Variants in TRPM7 observed in about 807,000 individuals in gnomAD.
The protein encoded by TRPM7 is LTRPC ion channel family member 7.
In TRPM7, 134 loss-of-function variants were observed where a neutral mutation model predicts 229.7. The observed-to-expected ratio is 0.58, with a 90% confidence interval of 0.51 to 0.67. The LOEUF (loss-of-function observed/expected upper bound fraction) is 0.67. TRPM7 is among the 30% of genes least tolerant of loss of function. The probability of loss-of-function intolerance (pLI) is 0.00; values close to 1 mark genes in which losing one functional copy is unlikely to be tolerated. For synonymous variants in TRPM7, 699 were observed against 715.2 expected (o/e 0.98, Z 0.36); for missense variants, 1,901 against 2,210.0 (o/e 0.86, Z 2.80).
At position 50,568,111 on chromosome 15, in the gene TRPM7, C is replaced by CAAAA. The variant is rs57093955; in HGVS notation, c.5467+1772_5467+1775dup. On this transcript the variant is annotated intron_variant, in intron 38 of 38. Transcript: ENST00000646667. ...AAAAAAAAAGAGCGAGACTCTGTCT[C>CAAAA]AAAAAAAAAAAAAAAAAAAAACAAG... Among the ~76,000 whole-genome samples the CAAAA allele has an allele frequency of 3.9e-3, 315 of 81,320 alleles. 4 individuals carry two copies. Among genetic ancestry groups the CAAAA allele is most frequent in the South Asian group, 0.012 (25 of 2,142 alleles). 53.3% of individuals were successfully genotyped at this position (81,320 alleles called of 152,430 possible). A position where few individuals can be genotyped will look rare whatever the true frequency, so the allele number is the denominator to read the frequency against.
chr15:50,675,554 T>C (rs1433434856), intron 1 of TRPM7, among the ~76,000 whole-genome samples: 2 of 152,284 alleles, frequency 1.3e-5, no homozygotes, highest in South Asian at 2.1e-4. Context: ...CAGCTGAAAG[T>C]TGTAAATATC....
At chr15:50,611,884 C>A (rs28699109) in intron 16 of TRPM7, among the ~76,000 whole-genome samples, 6 of 152,178 alleles carry the variant, frequency 3.9e-5, no homozygotes. Context: ...AATATTCCAA[C>A]ACTGCCCCTC....
chr15:50,624,014 T>C (rs2060491847), intron 12 of TRPM7, 152 bp downstream of exon 12: 1 of 742,800 alleles, frequency 1.3e-6, no homozygotes, highest in East Asian at 3.0e-5. Context: ...CAGACTGTAA[T>C]ACAACCAATC....
chr15:50,575,244 G>A (rs16963775), intron 33 of TRPM7, 109 bp from the exon 34 acceptor site: 1 of 879,266 alleles, frequency 1.1e-6, no homozygotes, highest in Non-Finnish European at 1.7e-6. Context: ...AGATAAAATG[G>A]ACCAAGATGT....
chr15:50,611,795 T>G (rs1260750839), intron 16 of TRPM7, among the ~76,000 whole-genome samples: 1 of 152,250 alleles, frequency 6.6e-6, no homozygotes, highest in East Asian at 1.9e-4. Flanking sequence ...CAATTATCAC[T>G]GCCCTCTAAA....
At chr15:50,645,315 T>TATAG (rs762159277) in intron 4 of TRPM7, among the ~76,000 whole-genome samples, 5 of 152,098 alleles carry the variant, frequency 3.3e-5, no homozygotes, top group African/African-American at 4.8e-5. Context: ...GTGCTGGGAT[T>TATAG]ATAGGCATGA....
chr15:50,562,213 A>G (rs550704703), intron 38 of TRPM7, among the ~76,000 whole-genome samples: 2 of 152,164 alleles, frequency 1.3e-5, no homozygotes, highest in African/African-American at 4.8e-5. Context: ...GATCATTTCT[A>G]ATCAATTTTT....
At chr15:50,627,641 A>G (rs1296217520) in intron 11 of TRPM7, among the ~76,000 whole-genome samples, 1 of 152,204 alleles carries the variant, frequency 6.6e-6, no homozygotes, top group African/African-American at 2.4e-5. Flanking sequence ...AAAGTATGCT[A>G]CCGAAATAAC....
At chr15:50,583,810 G>A (rs1566955076) in intron 28 of TRPM7, among the ~76,000 whole-genome samples, 1 of 152,076 alleles carries the variant, frequency 6.6e-6, no homozygotes, top group African/African-American at 2.4e-5. Flanking sequence ...CTGACCTCAG[G>A]TGATCCACCC....
At chr15:50,574,585 A>G (rs1007931569) in intron 35 of TRPM7, 52 bp downstream of exon 35, 1 of 1,557,844 alleles carries the variant, frequency 6.4e-7, no homozygotes. Flanking sequence ...GAAGGTCAAA[A>G]GGGACTGCTA....
intron 27 of TRPM7, chr15:50,588,253 A>C (rs2059394020): frequency 1.0e-6 from 1 of 984,620 alleles, no homozygotes; most frequent in Non-Finnish European, 1.2e-6. Context: ...TGCTGCTCCT[A>C]TTTGAGGTAA....
intron 26 of TRPM7, among the ~76,000 whole-genome samples, chr15:50,591,165 A>G (rs1015230725): frequency 3.3e-5 from 5 of 152,192 alleles, no homozygotes; most frequent in African/African-American, 1.2e-4. Flanking sequence ...ATAAGTACTA[A>G]TTTTCCCAGT....
chr15:50,625,589 TTTTC>T lies in TRPM7; in HGVS notation c.1306-1293_1306-1290del, dbSNP rs539437727. On this transcript the variant is annotated intron_variant, in intron 11 of 38. Transcript: ENST00000646667. ...TGACCCCTGTACCTGCCTTTTTTCT[TTTTC>T]TTTATTTTTAAAATAGGGACAGGTC... Among the ~76,000 whole-genome samples the T allele has an allele frequency of 9.9e-5, 15 of 152,074 alleles. No individual in the cohort carries two copies. The South Asian group carries it at 1.7e-3, about 17-fold the overall frequency.
At chr15:50,613,474 C>A (rs1310536839) in intron 15 of TRPM7, among the ~76,000 whole-genome samples, 1 of 137,314 alleles carries the variant, frequency 7.3e-6, no homozygotes, top group Non-Finnish European at 1.5e-5. Flanking sequence ...TACACTCCAG[C>A]CTGGTGACAG....
intron 1 of TRPM7, among the ~76,000 whole-genome samples, chr15:50,679,973 C>T (rs150068681): frequency 0.014 from 2,067 of 152,018 alleles, 43 homozygotes; most frequent in African/African-American, 0.048. Context: ...GTGGCTCACG[C>T]TTGTAATCCC....
chr15:50,610,098 GAA>G, intron 17 of TRPM7, 137 bp from the exon 18 acceptor site: 1 of 609,506 alleles, frequency 1.6e-6, no homozygotes, highest in African/African-American at 1.9e-5. Context: ...GCAGTAGAGG[GAA>G]AAAAAACAAC....
chr15:50,587,093 C>T (rs994620998), intron 27 of TRPM7, among the ~76,000 whole-genome samples: 9 of 152,066 alleles, frequency 5.9e-5, no homozygotes, highest in African/African-American at 1.2e-4. Context: ...GGAGAAAAAA[C>T]GCAATCATTA....
chr15:50,607,389 G>T, intron 19 of TRPM7, 61 bp from the exon 20 acceptor site: 1 of 1,373,566 alleles, frequency 7.3e-7, no homozygotes, highest in Non-Finnish European at 9.8e-7. Flanking sequence ...TTTTAATTAT[G>T]AACATTTTCA....
At chr15:50,568,086 A>C (rs1265480663) in intron 38 of TRPM7, among the ~76,000 whole-genome samples, 1 of 148,818 alleles carries the variant, frequency 6.7e-6, no homozygotes, top group Admixed American at 6.8e-5. Context: ...CTCAAAAAAA[A>C]AAAAAAAAGA....
Sources: allele counts gnomAD v4.1 joint callset (sites outside exome capture counted in the v4.1 genomes callset), GRCh38; gene constraint gnomAD v4.1.1; transcripts MANE v1.5; gene names NCBI Gene and HGNC (gene_info 2026-07-23, HGNC 2026-07-21).